DPY19L1: variants seen among roughly 807,000 people sequenced by gnomAD.
DPY19L1 encodes protein C-mannosyl-transferase DPY19L1.
DPY19L1 carries 35 observed loss-of-function variants against 96.9 expected under a neutral mutation model. That is an observed-to-expected ratio of 0.36 (90% CI 0.28 to 0.48). DPY19L1 has a LOEUF of 0.48. DPY19L1 is among the 20% of genes least tolerant of loss of function. The probability of loss-of-function intolerance (pLI) is 0.99; values close to 1 mark genes in which losing one functional copy is unlikely to be tolerated. For missense variants in DPY19L1, 521 were observed against 777.9 expected (o/e 0.67, Z 3.93); for synonymous variants, 205 against 252.6 (o/e 0.81, Z 1.79).
intron 10 of DPY19L1, among the ~76,000 whole-genome samples, chr7:34,961,139 T>G (rs993750601): frequency 1.3e-5 from 2 of 152,100 alleles, no homozygotes; most frequent in African/African-American, 4.8e-5. Context: ...AAGTTACCAA[T>G]AAAGTGATTC....
chr7:34,942,695 A>G (rs541310786), intron 16 of DPY19L1, 56 bp from the exon 17 acceptor site: 72 of 1,453,918 alleles, frequency 5.0e-5, no homozygotes, highest in Middle Eastern at 1.8e-4. Flanking sequence ...CTTACGTCAT[A>G]TATTTGCATT....
At chr7:34,971,996 G>A (rs1356235205) in intron 8 of DPY19L1, among the ~76,000 whole-genome samples, 5 of 152,182 alleles carry the variant, frequency 3.3e-5, no homozygotes, top group African/African-American at 1.2e-4. Context: ...TGTAACCACA[G>A]GGTACTTAAA....
intron 21 of DPY19L1, among the ~76,000 whole-genome samples, chr7:34,932,372 A>T (rs1368541463): frequency 6.6e-6 from 1 of 152,228 alleles, no homozygotes; most frequent in African/African-American, 2.4e-5. Flanking sequence ...ATTAGCTTAC[A>T]GTTGGACAAA....
chr7:34,989,978 T>C (rs1785132635), intron 6 of DPY19L1, 37 bp from the exon 7 acceptor site: 2 of 1,577,072 alleles, frequency 1.3e-6, no homozygotes, highest in African/African-American at 2.7e-5. Context: ...ATAACAAAAA[T>C]TCAGGTCAAT....
At chr7:34,993,079 A>G (rs953898032) in intron 6 of DPY19L1, among the ~76,000 whole-genome samples, 24 of 152,340 alleles carry the variant, frequency 1.6e-4, no homozygotes, top group African/African-American at 5.5e-4. Context: ...TTAAGTTAAC[A>G]CATATGTGTG....
At chr7:35,037,795 C>G, upstream of DPY19L1, 4 of 1,213,440 alleles carry the variant, frequency 3.3e-6, no homozygotes, top group African/African-American at 1.6e-5. Flanking sequence ...GGCCCGACCC[C>G]TCTGGCGCCC....
chr7:34,945,647 A>G lies in DPY19L1; in HGVS notation c.1544+20T>C. On this transcript the variant is annotated intron_variant, in intron 16 of 21. Transcript: ENST00000638088. ...ATAAATGAACAGAGGAGGTAATAAA[A>G]TTCTTAATAGCATATTTACCTTACA... 1 of 1,541,358 alleles carries G rather than the reference A, an allele frequency of 6.5e-7. No homozygotes were observed. Among genetic ancestry groups the G allele is most frequent in the Non-Finnish European group, 8.9e-7 (1 of 1,124,022 alleles).
In DPY19L1 at chr7:34,929,183, A is replaced by G. The variant is rs1436257495; in HGVS notation, c.*2390T>C. 6.6e-6 allele frequency: 1 copy of G among 152,226 alleles called. No homozygotes were observed. Among genetic ancestry groups the G allele is most frequent in the African/African-American group, 2.4e-5 (1 of 41,448 alleles). 9.4% of individuals were successfully genotyped at this position (152,226 alleles called of 1,614,324 possible). A position where few individuals can be genotyped will look rare whatever the true frequency, so the allele number is the denominator to read the frequency against. The stretch of plus-strand genomic sequence containing the variant: ...CATACTAAAGCAAAAATATTTGTAA[A>G]TGCTAACAATATGCAAAACACTGAG... On this transcript the variant is annotated 3_prime_UTR_variant, in exon 22 of 22. Transcript: ENST00000638088.
At chr7:34,956,920 G>C (rs1784390972) in intron 11 of DPY19L1, among the ~76,000 whole-genome samples, 1 of 152,182 alleles carries the variant, frequency 6.6e-6, no homozygotes, top group South Asian at 2.1e-4. Flanking sequence ...AATTACTCAA[G>C]AAGTCGAATA....
chr7:34,982,964 G>T (rs796113755), intron 7 of DPY19L1, among the ~76,000 whole-genome samples: 1 of 152,200 alleles, frequency 6.6e-6, no homozygotes, highest in South Asian at 2.1e-4. Flanking sequence ...AGAATGGTAA[G>T]ATCAAAGGAA....
chr7:34,995,328 A>T (rs1388345052), intron 6 of DPY19L1, among the ~76,000 whole-genome samples: 2 of 152,188 alleles, frequency 1.3e-5, no homozygotes, highest in African/African-American at 4.8e-5. Flanking sequence ...TGGTTAAAAA[A>T]AAAAAGTCTC....
At chr7:35,015,677 A>T (rs1785828871) in intron 3 of DPY19L1, among the ~76,000 whole-genome samples, 1 of 152,236 alleles carries the variant, frequency 6.6e-6, no homozygotes, top group African/African-American at 2.4e-5. Flanking sequence ...AGATAACCTT[A>T]AAAACAATCA....
chr7:35,031,975 T>C (rs1015336339), intron 1 of DPY19L1, among the ~76,000 whole-genome samples: 82 of 152,354 alleles, frequency 5.4e-4, no homozygotes, highest in African/African-American at 1.8e-3. Flanking sequence ...TCTATGTGTC[T>C]GTTTGAAAGC....
chr7:34,935,175 T>C (rs912865352), intron 21 of DPY19L1, among the ~76,000 whole-genome samples: 2 of 151,922 alleles, frequency 1.3e-5, no homozygotes, highest in African/African-American at 4.8e-5. Context: ...TGGCAGAGAG[T>C]GAGACACACA....
At position 34,989,841 on chromosome 7, in the gene DPY19L1, G is replaced by A. The variant is rs117624113; in HGVS notation, c.822+43C>T. 30,563 of 1,485,958 alleles carry A rather than the reference G, an allele frequency of 0.021. 443 individuals carry two copies. Among genetic ancestry groups the A allele is most frequent in the East Asian group, 0.055 (2,351 of 43,132 alleles). 92.0% of individuals were successfully genotyped at this position (1,485,958 alleles called of 1,614,324 possible). On this transcript the variant is annotated intron_variant, in intron 7 of 21. Coordinates refer to ENST00000638088, the MANE Select transcript of DPY19L1 (RefSeq NM_001366673.1). ...TAGATTAAATTTAAAGAAGAAAACT[G>A]CATTTCCAGAAGTAATTCTGAGAAT...
At chr7:35,027,226 A>AAG (rs547506926) in intron 1 of DPY19L1, among the ~76,000 whole-genome samples, 187 of 152,078 alleles carry the variant, frequency 1.2e-3, no homozygotes, top group Non-Finnish European at 1.7e-3. Context: ...AGAAAAAAAA[A>AAG]AGAGGGTTTT....
At chr7:34,987,545 G>C (rs1785077255) in intron 7 of DPY19L1, among the ~76,000 whole-genome samples, 1 of 151,986 alleles carries the variant, frequency 6.6e-6, no homozygotes, top group Non-Finnish European at 1.5e-5. Flanking sequence ...CTACATAATG[G>C]AAATAGAACT....
At chr7:34,989,979 T>C in intron 6 of DPY19L1, 38 bp from the exon 7 acceptor site, 1 of 1,574,786 alleles carries the variant, frequency 6.4e-7, no homozygotes, top group African/African-American at 1.4e-5. Flanking sequence ...TAACAAAAAT[T>C]CAGGTCAATC....
intron 8 of DPY19L1, among the ~76,000 whole-genome samples, chr7:34,970,831 A>C (rs1244347519): frequency 6.7e-6 from 1 of 149,214 alleles, no homozygotes; most frequent in African/African-American, 2.5e-5. Context: ...GGAAACATAA[A>C]TATTGCCAAG....
Sources: allele counts gnomAD v4.1 joint callset (sites outside exome capture counted in the v4.1 genomes callset), GRCh38; gene constraint gnomAD v4.1.1; transcripts MANE v1.5; gene names NCBI Gene and HGNC (gene_info 2026-07-23, HGNC 2026-07-21).